The following PIK3CG variants were observed in gnomAD, a reference collection of about 807,000 sequenced individuals.
The protein encoded by PIK3CG is phosphatidylinositol-4,5-bisphosphate 3-kinase catalytic subunit gamma.
PIK3CG carries 55 observed loss-of-function variants against 102.3 expected under a neutral mutation model. That is an observed-to-expected ratio of 0.54 (90% CI 0.43 to 0.67). PIK3CG has a LOEUF of 0.67. Among genes scored for constraint, PIK3CG ranks in the 30% least tolerant of loss-of-function variants. The pLI, the probability that PIK3CG is intolerant of heterozygous loss-of-function variation, is 0.00. For synonymous variants in PIK3CG, 552 were observed against 540.0 expected (o/e 1.02, Z -0.31); for missense variants, 1,258 against 1,391.8 (o/e 0.90, Z 1.53).
rs1000949341 is a variant in PIK3CG, at chr7:106,886,357, G to T, written c.3030+65G>T. The stretch of plus-strand genomic sequence containing the variant: ...AAGCAGATGGTTCCTGCAGCACTCC[G>T]CAGCCTTCACCTCTCACTCAGCTTG... On this transcript the variant is annotated intron_variant, in intron 10 of 10. Transcript: ENST00000496166. 1.9e-5 allele frequency: 29 copies of T among 1,543,504 alleles called. No homozygotes were observed. The Admixed American group carries it at 4.8e-4, about 26-fold the overall frequency.
chr7:106,866,263 T>A (rs1265687094), intron 1 of PIK3CG, among the ~76,000 whole-genome samples: 2 of 152,254 alleles, frequency 1.3e-5, no homozygotes, highest in African/African-American at 4.8e-5. Flanking sequence ...CAATAATTGA[T>A]TCGTTTAGAA....
rs1371998955 is a variant in PIK3CG, at chr7:106,867,882, C to T, written c.321C>T (p.Tyr107=). Residue 107 remains tyrosine (Y), a synonymous_variant, in exon 2 of 11, where the codon TAC becomes TAT. Transcript: ENST00000496166. The surrounding 1 kb of genome is among the most constrained non-coding windows in gnomAD (Gnocchi z 5.1). ...TCTATCAGAAGAAGGGGCAGTGGTACGAGATCTACGACAAGTACCAGGTGG... is the reference window on the plus strand; with the variant it reads ...TCTATCAGAAGAAGGGGCAGTGGTATGAGATCTACGACAAGTACCAGGTGG... The part of the protein sequence containing the change: ...LLLYQKKGQW[Y]EIYDKYQVVQ... 6.2e-7 allele frequency: 1 copy of T among 1,613,168 alleles called. No individual in the cohort carries two copies.
chr7:106,879,099 A>G lies in PIK3CG; in HGVS notation c.2392-420A>G, dbSNP rs1790855801. On this transcript the variant is annotated intron_variant, in intron 5 of 10. Transcript: ENST00000496166. This position sits in a 1 kb window ranked among gnomAD's most constrained non-coding sequence, Gnocchi z 4.9. The stretch of plus-strand genomic sequence containing the variant: ...GTAGCCTATTGCATCTGATTCTGCA[A>G]TAATAGTTTTTTTGACATTGTGGTA... Among the ~76,000 whole-genome samples the G allele has an allele frequency of 6.6e-6, 1 of 152,202 alleles. No homozygotes were observed. Among genetic ancestry groups the G allele is most frequent in the Non-Finnish European group, 1.5e-5 (1 of 68,024 alleles).
chr7:106,866,762 A>G (rs1361951820), intron 1 of PIK3CG, among the ~76,000 whole-genome samples: 7 of 152,246 alleles, frequency 4.6e-5, no homozygotes, highest in Admixed American at 4.6e-4. Context: ...AAAATTTTAC[A>G]TATCTGCAAA....
intron 10 of PIK3CG, among the ~76,000 whole-genome samples, chr7:106,900,959 C>T (rs1012407380): frequency 6.6e-6 from 1 of 152,136 alleles, no homozygotes; most frequent in Non-Finnish European, 1.5e-5. Flanking sequence ...TTGTAGGTTA[C>T]CTGCCCTTTC....
intron 7 of PIK3CG, among the ~76,000 whole-genome samples, 153 bp downstream of exon 7, chr7:106,882,360 A>G (rs573204425): frequency 5.9e-5 from 9 of 152,364 alleles, no homozygotes; most frequent in African/African-American, 2.2e-4. Context: ...GTGACTCTCA[A>G]TTTAATGTGG....
rs761695337 is a variant in PIK3CG, at chr7:106,905,123, G to C, written c.3045G>C (p.Lys1015Asn). The change falls in exon 11 of 11, where the codon AAG becomes AAC. Residue 1015 changes from lysine (K) to asparagine (N), a missense_variant. By Grantham distance (94) the Lys-to-Asn change is moderately conservative. Coordinates refer to ENST00000496166, the MANE Select transcript of PIK3CG (RefSeq NM_001282426.2). This position sits in a 1 kb window ranked among gnomAD's most constrained non-coding sequence, Gnocchi z 5.6. ...TCTTTATCCAGGACATCTGTGTTAA[G>C]GCTTATCTAGCCCTTCGTCATCACA... ...HFQKFQDICV[K>N]AYLALRHHTN... The C allele has an allele frequency of 6.2e-7, 1 of 1,613,890 alleles. No individual in the cohort carries two copies. Among genetic ancestry groups the C allele is most frequent in the Non-Finnish European group, 8.5e-7 (1 of 1,179,902 alleles).
intron 1 of PIK3CG, among the ~76,000 whole-genome samples, chr7:106,866,963 G>C (rs544184620): frequency 6.6e-6 from 1 of 152,192 alleles, no homozygotes. Flanking sequence ...GTTCCAAGAA[G>C]TGTGAGACTT....
rs761914955 is a variant in PIK3CG, at chr7:106,868,788, G to T, written c.1227G>T (p.Leu409=). The change falls in exon 2 of 11, where the codon CTG becomes CTT. Residue 409 remains leucine, a synonymous_variant. Coordinates refer to ENST00000496166, the MANE Select transcript of PIK3CG (RefSeq NM_001282426.2). This position sits in a 1 kb window ranked among gnomAD's most constrained non-coding sequence, Gnocchi z 6.2. ...TSPKPFTEEV[L]WNVWLEFSIK... ...CCAAACCCTTCACAGAGGAGGTGCT[G>T]TGGAATGTGTGGCTTGAGTTCAGTA... 1 of 1,614,222 alleles carries T rather than the reference G, an allele frequency of 6.2e-7. No individual in the cohort carries two copies. Among genetic ancestry groups the T allele is most frequent in the Non-Finnish European group, 8.5e-7 (1 of 1,180,036 alleles).
At chr7:106,900,349 A>G (rs1314197429) in intron 10 of PIK3CG, among the ~76,000 whole-genome samples, 3 of 152,022 alleles carry the variant, frequency 2.0e-5, no homozygotes, top group Admixed American at 2.0e-4. Context: ...TGTTAGTTTG[A>G]AATCTGTTTT....
Position 106,893,799 on chromosome 7 carries a change from G to A in PIK3CG, c.3030+7507G>A, listed in dbSNP as rs994988110. Among the ~76,000 whole-genome samples the A allele has an allele frequency of 2.0e-5, 3 of 152,164 alleles. No homozygotes were observed. Among genetic ancestry groups the A allele is most frequent in the African/African-American group, 4.8e-5 (2 of 41,438 alleles). ...GAGAAATGCATCATTAGGCAATTTCGTCATTGTGTAAACATCAGAGTGAAC... is the reference window on the plus strand; with the variant it reads ...GAGAAATGCATCATTAGGCAATTTCATCATTGTGTAAACATCAGAGTGAAC... On this transcript the variant is annotated intron_variant, in intron 10 of 10. Coordinates refer to ENST00000496166, the MANE Select transcript of PIK3CG (RefSeq NM_001282426.2). This position sits in a 1 kb window ranked among gnomAD's most constrained non-coding sequence, Gnocchi z 4.4.
intron 10 of PIK3CG, 62 bp downstream of exon 10, chr7:106,886,354 T>C (rs902726532): frequency 2.6e-6 from 4 of 1,551,126 alleles, no homozygotes; most frequent in Non-Finnish European, 3.5e-6. Flanking sequence ...CCTGCAGCAC[T>C]CCGCAGCCTT....
At position 106,869,192 on chromosome 7, in the gene PIK3CG, G is replaced by A. The variant is rs766453335; in HGVS notation, c.1631G>A (p.Arg544Gln). 2.5e-6 allele frequency: 4 copies of A among 1,614,182 alleles called. No individual in the cohort carries two copies. The South Asian group carries it at 3.3e-5, about 13-fold the overall frequency. ...PTPDPEGDRV[R>Q]AEMPNQLRKQ... ...CCTGACCCGGAAGGGGACCGGGTTC[G>A]AGCAGAAATGCCCAACCAGCTTCGC... Residue 544 changes from arginine to glutamine, a missense_variant, in exon 2 of 11, where the codon CGA becomes CAA. Around this residue, in one of 2 missense-constraint regions of PIK3CG, gnomAD observed 832 missense variants for 787.5 expected, o/e 1.06. Transcript: ENST00000496166. The surrounding 1 kb of genome is among the most constrained non-coding windows in gnomAD (Gnocchi z 5.3).
In PIK3CG at chr7:106,892,989, G is replaced by A. The variant is rs1425029253; in HGVS notation, c.3030+6697G>A. Among the ~76,000 whole-genome samples the A allele has an allele frequency of 6.6e-6, 1 of 152,196 alleles. No individual in the cohort carries two copies. Among genetic ancestry groups the A allele is most frequent in the East Asian group, 1.9e-4 (1 of 5,204 alleles). On this transcript the variant is annotated intron_variant, in intron 10 of 10. Coordinates refer to ENST00000496166, the MANE Select transcript of PIK3CG (RefSeq NM_001282426.2). This position sits in a 1 kb window ranked among gnomAD's most constrained non-coding sequence, Gnocchi z 5.2. ...AAGTGTGTAGTAGAATTTGAGTCAA[G>A]AAAGGAAATTTGGGTCCAACTTGAA... is the stretch of plus-strand genomic sequence containing the variant.
At chr7:106,875,975 C>T (rs1381436434) in intron 5 of PIK3CG, among the ~76,000 whole-genome samples, 3 of 139,858 alleles carry the variant, frequency 2.1e-5, no homozygotes, top group African/African-American at 5.4e-5. Context: ...ACTGCAGTGG[C>T]GCAATCTCGG....
chr7:106,907,214 T>C lies in PIK3CG; in HGVS notation c.*1827T>C, dbSNP rs1032776091. 1.2e-5 allele frequency: 2 copies of C among 164,728 alleles called. No individual in the cohort carries two copies. Among genetic ancestry groups the C allele is most frequent in the African/African-American group, 4.8e-5 (2 of 41,890 alleles). 10.2% of individuals were successfully genotyped at this position (164,728 alleles called of 1,614,324 possible). ...GTGGGATGAGACCCAGACATCAATA[T>C]TTTTCTAGATTCTTCAGGTGATTCT... is the stretch of plus-strand genomic sequence containing the variant. On this transcript the variant is annotated 3_prime_UTR_variant, in exon 11 of 11. Coordinates refer to ENST00000496166, the MANE Select transcript of PIK3CG (RefSeq NM_001282426.2).
At position 106,868,329 on chromosome 7, in the gene PIK3CG, A is replaced by G. The variant is rs768793138; in HGVS notation, c.768A>G (p.Lys256=). Residue 256 remains lysine, a synonymous_variant, in exon 2 of 11, where the codon AAA becomes AAG. Coordinates refer to ENST00000496166, the MANE Select transcript of PIK3CG (RefSeq NM_001282426.2). The surrounding 1 kb of genome is among the most constrained non-coding windows in gnomAD (Gnocchi z 6.2). ...TCTTCACCAAGATGGCCAAGAAGAA[A>G]TCTCTGATGGATATTCCCGAAAGCC... is the stretch of plus-strand genomic sequence containing the variant. The part of the protein sequence containing the change: ...QSFFTKMAKK[K]SLMDIPESQS... 9.3e-6 allele frequency: 15 copies of G among 1,614,216 alleles called. No homozygotes were observed. Among genetic ancestry groups the G allele is most frequent in the South Asian group, 1.1e-5 (1 of 91,078 alleles).
chr7:106,865,614 G>A (rs1434797089), intron 1 of PIK3CG, 188 bp downstream of exon 1: 1 of 152,206 alleles, frequency 6.6e-6, no homozygotes, highest in Non-Finnish European at 1.5e-5. Context: ...AGTTTTGCAG[G>A]TGCATCACAT....
Position 106,899,015 on chromosome 7 carries a change from T to C in PIK3CG, c.3031-6094T>C, listed in dbSNP as rs1791478754. 6.6e-6 allele frequency among the ~76,000 whole-genome samples: 1 copy of C among 152,192 alleles called. No homozygotes were observed. The highest frequency in any genetic ancestry group is 1.5e-5 in the Non-Finnish European group (1 of 68,036). Reference sequence around the variant, plus strand: ...TCCATGAGCATGGTATGTTTTTCCATTTGTTGGTGTCTTCTCTGATTTCTT... The same window carrying C: ...TCCATGAGCATGGTATGTTTTTCCACTTGTTGGTGTCTTCTCTGATTTCTT... On this transcript the variant is annotated intron_variant, in intron 10 of 10. Coordinates refer to ENST00000496166, the MANE Select transcript of PIK3CG (RefSeq NM_001282426.2). The surrounding 1 kb of genome is among the most constrained non-coding windows in gnomAD (Gnocchi z 4.6).
Sources: allele counts gnomAD v4.1 joint callset (sites outside exome capture counted in the v4.1 genomes callset), GRCh38; gene constraint gnomAD v4.1.1; regional missense constraint gnomAD v4.1.1; non-coding constraint Gnocchi (gnomAD v3.1); transcripts MANE v1.5; gene names NCBI Gene and HGNC (gene_info 2026-07-23, HGNC 2026-07-21).